The following GEMIN8 variants were observed in gnomAD, a reference collection of about 807,000 sequenced individuals.
GEMIN8 encodes the protein gem nuclear organelle associated protein 8, also known as gem-associated protein 8.
For missense variants in GEMIN8, 185 were observed against 205.9 expected (o/e 0.90, Z 0.62); for synonymous variants, 80 against 78.5 (o/e 1.02, Z -0.10).
Position 14,006,761 on chromosome X carries a change from A to G in GEMIN8, c.*2152T>C, listed in dbSNP as rs1569345153. Among the ~76,000 whole-genome samples, 2 of 112,028 alleles carry G rather than the reference A, an allele frequency of 1.8e-5. No individual in the cohort carries two copies. The highest frequency in any genetic ancestry group is 6.5e-5 in the African/African-American group (2 of 30,802). On this transcript the variant is annotated 3_prime_UTR_variant, in exon 5 of 5. Transcript: ENST00000680255. ...AACATTTATTGAGTATTTACCGTGT[A>G]GCCAGCACTGTTTTACAGGCACTAC...
At chrX:14,006,129 A>G (rs1292138499), downstream of GEMIN8, among the ~76,000 whole-genome samples, 1 of 109,037 alleles carries the variant, frequency 9.2e-6, no homozygotes, top group Admixed American at 9.8e-5. Flanking sequence ...CCTGGGTTCA[A>G]GCAATTCTCC....
downstream of GEMIN8, among the ~76,000 whole-genome samples, chrX:14,005,670 C>T (rs1257946163): frequency 2.7e-5 from 3 of 109,630 alleles, no homozygotes; most frequent in African/African-American, 3.3e-5. Flanking sequence ...CAGAAGTATA[C>T]GTGACAACCT....
the GEMIN8 span, among the ~76,000 whole-genome samples, chrX:13,991,932 G>A: frequency 8.9e-6 from 1 of 111,802 alleles, no homozygotes; most frequent in South Asian, 3.8e-4. Flanking sequence ...CATTTCAATT[G>A]TCTCTTCCTG....
At chrX:13,988,527 C>T in the GEMIN8 span, among the ~76,000 whole-genome samples, 1 of 107,543 alleles carries the variant, frequency 9.3e-6, no homozygotes, top group Non-Finnish European at 1.9e-5. Context: ...TCATCTGTAC[C>T]ACCAGGTAGA....
the GEMIN8 span, among the ~76,000 whole-genome samples, chrX:13,995,796 G>A: frequency 9.0e-6 from 1 of 111,573 alleles, no homozygotes; most frequent in South Asian, 3.8e-4. Flanking sequence ...GGAGGATACA[G>A]GATGCTCTCT....
intron 2 of GEMIN8, among the ~76,000 whole-genome samples, chrX:14,023,554 A>G (rs961871904): frequency 2.7e-5 from 3 of 110,474 alleles, no homozygotes; most frequent in Non-Finnish European, 3.8e-5. Flanking sequence ...TAATTTTTGT[A>G]TTTTTAGTAG....
chrX:14,018,766 CTT>C (rs58528171), intron 4 of GEMIN8, among the ~76,000 whole-genome samples: 16 of 91,852 alleles, frequency 1.7e-4, no homozygotes, highest in Non-Finnish European at 2.2e-4. Flanking sequence ...CTTTTCTTTT[CTT>C]TTTTTTTTTT....
intron 4 of GEMIN8, chrX:14,014,125 C>T: frequency 1.3e-6 from 1 of 752,194 alleles, no homozygotes; most frequent in Non-Finnish European, 1.6e-6. Flanking sequence ...AAAGGCAGAA[C>T]ATGTTAGAGG....
chrX:13,996,998 G>A, the GEMIN8 span, among the ~76,000 whole-genome samples: 1 of 100,508 alleles, frequency 9.9e-6, no homozygotes. Flanking sequence ...GTGTAGTGGC[G>A]ATATCTCGGC....
At chrX:14,013,849 T>C (rs969243743) in intron 4 of GEMIN8, 9 of 310,971 alleles carry the variant, frequency 2.9e-5, no homozygotes, top group Non-Finnish European at 3.4e-5. Flanking sequence ...CCTGGGAGGC[T>C]AATACAAGGG....
the GEMIN8 span, among the ~76,000 whole-genome samples, chrX:13,998,325 A>G: frequency 1.8e-5 from 2 of 110,072 alleles, no homozygotes; most frequent in Non-Finnish European, 3.8e-5. Context: ...TGCAATCCCC[A>G]CGTCAAGGGA....
At chrX:14,015,705 T>C (rs1923856988) in intron 4 of GEMIN8, among the ~76,000 whole-genome samples, 1 of 112,640 alleles carries the variant, frequency 8.9e-6, no homozygotes, top group Non-Finnish European at 1.9e-5. Context: ...CATTTCCTCT[T>C]GCTAGTAACA....
Position 14,011,516 on chromosome X carries a change from C to CTTTTTTTT in GEMIN8, c.473-2355_473-2348dup, listed in dbSNP as rs575651297. 7.2e-3 allele frequency among the ~76,000 whole-genome samples: 435 copies of CTTTTTTTT among 60,349 alleles called. 39 individuals are homozygous for CTTTTTTTT. Among genetic ancestry groups the CTTTTTTTT allele is most frequent in the African/African-American group, 0.028 (397 of 14,388 alleles). The allele number at this position is 60,349 out of a possible 115,157, so 52.4% of individuals were successfully genotyped here. On this transcript the variant is annotated intron_variant, in intron 4 of 4. Coordinates refer to ENST00000680255, the MANE Select transcript of GEMIN8 (RefSeq NM_001042479.2). Reference sequence around the variant, plus strand: ...TACCCATTACCAATCCTATGGCTCTCTTTTTTTTTTTTTTTTTTTTTTTTT... The same window carrying CTTTTTTTT: ...TACCCATTACCAATCCTATGGCTCTCTTTTTTTTTTTTTTTTTTTTTTTTTTTTTTTTT...
chrX:13,985,054 G>A, the GEMIN8 span, among the ~76,000 whole-genome samples: 1 of 111,461 alleles, frequency 9.0e-6, no homozygotes, highest in Non-Finnish European at 1.9e-5. Context: ...AAGGACCTGA[G>A]GACAAGTCTA....
intron 4 of GEMIN8, among the ~76,000 whole-genome samples, chrX:14,018,307 T>C (rs1460067384): frequency 8.9e-6 from 1 of 112,569 alleles, no homozygotes; most frequent in Non-Finnish European, 1.9e-5. Flanking sequence ...ACACATTTCA[T>C]TGTTTTATCT....
chrX:13,994,922 C>A, the GEMIN8 span, among the ~76,000 whole-genome samples: 37 of 112,025 alleles, frequency 3.3e-4, no homozygotes, highest in African/African-American at 9.4e-4. Context: ...GAGTTTATTA[C>A]GAAGAATTGA....
chrX:13,989,472 A>C, the GEMIN8 span, among the ~76,000 whole-genome samples: 2 of 112,441 alleles, frequency 1.8e-5, no homozygotes, highest in Non-Finnish European at 3.8e-5. Context: ...TATTTCCTTT[A>C]TCCTTTGGCC....
At chrX:13,996,913 G>A in the GEMIN8 span, among the ~76,000 whole-genome samples, 1 of 105,147 alleles carries the variant, frequency 9.5e-6, no homozygotes, top group East Asian at 2.9e-4. Context: ...CTTATAAAAC[G>A]CTTGCATGCT....
chrX:14,013,320 T>C (rs747653289), intron 4 of GEMIN8, among the ~76,000 whole-genome samples: 64 of 112,295 alleles, frequency 5.7e-4, no homozygotes, highest in African/African-American at 2.0e-3. Context: ...GTCATTTTTA[T>C]TGGAAACAGC....
Sources: gnomAD v4.1 joint callset for allele counts (sites outside exome capture counted in the v4.1 genomes callset) on GRCh38, gnomAD v4.1.1 for gene constraint, MANE v1.5 for transcripts, NCBI Gene and HGNC (gene_info 2026-07-23, HGNC 2026-07-21) for gene names.